USH2A: variants seen among roughly 807,000 people sequenced by gnomAD.
The protein encoded by USH2A is usherin.
Under a neutral mutation model 538.9 loss-of-function variants are expected in USH2A, and 443 were observed. The observed-to-expected ratio is 0.82, with a 90% CI of 0.76 to 0.89. The LOEUF (loss-of-function observed/expected upper bound fraction) is 0.89. Ranked by LOEUF, USH2A falls within the 40% of genes least tolerant of loss-of-function variation. The probability of loss-of-function intolerance (pLI) is 0.00; values close to 1 mark genes in which losing one functional copy is unlikely to be tolerated. For synonymous variants in USH2A, 2,413 were observed against 2,273.5 expected (o/e 1.06, Z -1.75); for missense variants, 6,633 against 6,324.8 (o/e 1.05, Z -1.65).
chr1:216,241,866 A>G (rs1353353779), intron 13 of USH2A, among the ~76,000 whole-genome samples: 1 of 152,172 alleles, frequency 6.6e-6, no homozygotes, highest in African/African-American at 2.4e-5. Flanking sequence ...CGATTTGCCT[A>G]AGTACAGACG....
At chr1:216,403,826 G>A (rs2039347517) in intron 3 of USH2A, among the ~76,000 whole-genome samples, 1 of 152,130 alleles carries the variant, frequency 6.6e-6, no homozygotes, top group South Asian at 2.1e-4. Flanking sequence ...GGCGGGAGGT[G>A]ATTAGATCAT....
intron 4 of USH2A, among the ~76,000 whole-genome samples, chr1:216,350,538 C>T (rs971411458): frequency 8.5e-5 from 13 of 152,096 alleles, no homozygotes; most frequent in African/African-American, 3.1e-4. Flanking sequence ...ACAAAAGAGG[C>T]TACAGCCCCC....
At chr1:215,951,610 G>T (rs1666913337) in intron 37 of USH2A, among the ~76,000 whole-genome samples, 1 of 152,050 alleles carries the variant, frequency 6.6e-6, no homozygotes, top group African/African-American at 2.4e-5. Context: ...GGATATCCTT[G>T]TTAACTTTCT....
Position 216,050,601 on chromosome 1 carries a change from TTTC to T in USH2A, c.6050-1957_6050-1955del, listed in dbSNP as rs1377075700. Among the ~76,000 whole-genome samples, 38 of 93,490 alleles carry T rather than the reference TTTC, an allele frequency of 4.1e-4. 2 individuals are homozygous for T. The highest frequency in any genetic ancestry group is 9.5e-4 in the African/African-American group (19 of 19,986). The allele number at this position is 93,490 out of a possible 152,430, so 61.3% of individuals were successfully genotyped here. ...CTTTCTTTCTTTCTTTCTTTCTTTC[TTTC>T]TTTTTTTTTTTTTTTTTTGAGACAG... On this transcript the variant is annotated intron_variant, in intron 30 of 71. Transcript: ENST00000307340.
chr1:215,950,666 C>T (rs532733059), intron 37 of USH2A, among the ~76,000 whole-genome samples: 6 of 151,776 alleles, frequency 4.0e-5, no homozygotes, highest in Admixed American at 2.0e-4. Flanking sequence ...CCACCATGTC[C>T]GGCTAATATT....
intron 61 of USH2A, among the ~76,000 whole-genome samples, chr1:215,715,648 G>A (rs1329926823): frequency 1.3e-5 from 2 of 152,172 alleles, no homozygotes; most frequent in African/African-American, 4.8e-5. Context: ...TTCCATACGA[G>A]TTCCTTTGTA....
chr1:216,317,848 C>T (rs889745147), intron 9 of USH2A, among the ~76,000 whole-genome samples: 6 of 151,718 alleles, frequency 4.0e-5, no homozygotes, highest in Admixed American at 6.6e-5. Flanking sequence ...GTGAGACTCC[C>T]TCTCAAAAAA....
At chr1:215,914,811 G>A (rs1356654901) in intron 38 of USH2A, among the ~76,000 whole-genome samples, 2 of 152,194 alleles carry the variant, frequency 1.3e-5, no homozygotes, top group African/African-American at 4.8e-5. Flanking sequence ...CTGGTGGCTA[G>A]AAAGAGCTCA....
chr1:215,691,612 C>G (rs936488239), intron 61 of USH2A, among the ~76,000 whole-genome samples: 5 of 152,262 alleles, frequency 3.3e-5, no homozygotes, highest in African/African-American at 1.2e-4. Context: ...GATTTATTTT[C>G]TTAAGCACTC....
intron 15 of USH2A, among the ~76,000 whole-genome samples, chr1:216,215,192 C>T (rs1368425708): frequency 6.6e-6 from 1 of 152,060 alleles, no homozygotes; most frequent in African/African-American, 2.4e-5. Flanking sequence ...TAAATTATTG[C>T]TAGTGGCCCC....
chr1:215,996,577 T>TTTTTTTTTTTTTTTTTTTG (rs1668147809), intron 34 of USH2A, among the ~76,000 whole-genome samples: 1 of 137,560 alleles, frequency 7.3e-6, no homozygotes, highest in African/African-American at 2.7e-5. Context: ...TTTTTTTTTT[T>TTTTTTTTTTTTTTTTTTTG]TTTTTTTTTT....
intron 67 of USH2A, among the ~76,000 whole-genome samples, chr1:215,644,810 A>G (rs1656795739): frequency 6.6e-6 from 1 of 152,242 alleles, no homozygotes; most frequent in Non-Finnish European, 1.5e-5. Flanking sequence ...AAGCATCTGC[A>G]GACCGTTCCT....
At chr1:215,875,916 A>G (rs914106090) in intron 43 of USH2A, among the ~76,000 whole-genome samples, 25 of 145,316 alleles carry the variant, frequency 1.7e-4, no homozygotes, top group African/African-American at 6.0e-4. Flanking sequence ...ATAAATATAT[A>G]ATATATATTG....
chr1:215,881,143 T>C (rs142458428), intron 41 of USH2A, among the ~76,000 whole-genome samples: 1 of 152,032 alleles, frequency 6.6e-6, no homozygotes, highest in Non-Finnish European at 1.5e-5. Context: ...TGTGTTCAAG[T>C]TTTTTCTTTT....
At chr1:215,742,460 C>CAT (rs147542514) in intron 59 of USH2A, among the ~76,000 whole-genome samples, 33 of 142,406 alleles carry the variant, frequency 2.3e-4, no homozygotes, top group East Asian at 1.1e-3. Context: ...ACACATATAT[C>CAT]ATGTTATATA....
At chr1:216,327,748 G>A (rs1571706340) in intron 4 of USH2A, 94 bp from the exon 5 acceptor site, 2 of 1,479,164 alleles carry the variant, frequency 1.4e-6, no homozygotes. Context: ...AAGATGTTAA[G>A]GTTAAAAAGA....
chr1:215,628,332 G>A (rs1182017946), intron 71 of USH2A, among the ~76,000 whole-genome samples: 1 of 151,930 alleles, frequency 6.6e-6, no homozygotes, highest in African/African-American at 2.4e-5. Flanking sequence ...ACCCAGGCTG[G>A]AGTGCAGTGG....
At chr1:215,999,368 CT>C (rs1668213317) in intron 33 of USH2A, among the ~76,000 whole-genome samples, 1 of 152,008 alleles carries the variant, frequency 6.6e-6, no homozygotes, top group Non-Finnish European at 1.5e-5. Context: ...AGCAGAACTT[CT>C]GAGAACTTAG....
intron 9 of USH2A, among the ~76,000 whole-genome samples, chr1:216,310,139 A>G (rs1166899753): frequency 2.6e-5 from 4 of 152,132 alleles, no homozygotes; most frequent in Admixed American, 6.5e-5. Context: ...ATTGACACTC[A>G]AAGTAGTTAC....
Sources: allele counts gnomAD v4.1 joint callset (sites outside exome capture counted in the v4.1 genomes callset), GRCh38; gene constraint gnomAD v4.1.1; transcripts MANE v1.5; gene names NCBI Gene and HGNC (gene_info 2026-07-23, HGNC 2026-07-21).